Variants in DPYSL2 observed in about 807,000 individuals in gnomAD.
DPYSL2 encodes dihydropyrimidinase-related protein 2.
Under a neutral mutation model 69.9 loss-of-function variants are expected in DPYSL2, and 13 were observed. The ratio of observed to expected loss-of-function variants is 0.19; its 90% confidence interval spans 0.12 to 0.30. The LOEUF (loss-of-function observed/expected upper bound fraction) is 0.30, where lower values mean the gene tolerates loss of function less well. Among genes scored for constraint, DPYSL2 ranks in the 10% least tolerant of loss-of-function variants. DPYSL2 has a pLI of 1.00. For synonymous variants in DPYSL2, 326 were observed against 359.1 expected (o/e 0.91, Z 1.04); for missense variants, 587 against 918.9 (o/e 0.64, Z 4.67).
At chr8:26,526,465 T>C (rs1038102672) in intron 1 of DPYSL2, among the ~76,000 whole-genome samples, 1 of 152,216 alleles carries the variant, frequency 6.6e-6, no homozygotes, top group Admixed American at 6.5e-5. Flanking sequence ...TTCCATTGAT[T>C]CTTTTTAGAC....
At chr8:26,566,344 G>T (rs933225488) in intron 1 of DPYSL2, among the ~76,000 whole-genome samples, 2 of 152,202 alleles carry the variant, frequency 1.3e-5, no homozygotes, top group African/African-American at 2.4e-5. Flanking sequence ...CCTCCCTAAA[G>T]GGGCCCTGCA....
intron 8 of DPYSL2, among the ~76,000 whole-genome samples, chr8:26,637,221 C>A (rs528075956): frequency 6.6e-6 from 1 of 152,322 alleles, no homozygotes; most frequent in Admixed American, 6.5e-5. Flanking sequence ...AAAGCCTGAG[C>A]TTTAGACAAA....
chr8:26,580,862 G>A lies in DPYSL2; in HGVS notation c.355-1107G>A, dbSNP rs576964617. 1.9e-4 allele frequency among the ~76,000 whole-genome samples: 29 copies of A among 152,316 alleles called. No individual in the cohort carries two copies. The highest frequency in any genetic ancestry group is 6.3e-4 in the African/African-American group (26 of 41,552). On this transcript the variant is annotated intron_variant, in intron 1 of 13. Coordinates refer to ENST00000521913, the MANE Select transcript of DPYSL2 (RefSeq NM_001197293.3). The surrounding 1 kb of genome is among the most constrained non-coding windows in gnomAD (Gnocchi z 4.1). ...ACAGGTGCATATTTACTGAACACTC[G>A]ATGCCAGCATTCCTTCCATCAGCAG... is the stretch of plus-strand genomic sequence containing the variant.
rs115970313 is a variant in DPYSL2 at position 26,615,738 on chromosome 8, G to A, written c.629-8405G>A. ...ATCTTATTGAACACTCATGAAAAAT[G>A]CTGGGATGTATGTTATTTTTACTGT... On this transcript the variant is annotated intron_variant, in intron 3 of 13. Coordinates refer to ENST00000521913, the MANE Select transcript of DPYSL2 (RefSeq NM_001197293.3). Among the ~76,000 whole-genome samples the A allele has an allele frequency of 8.9e-3, 1,358 of 152,268 alleles. 14 individuals are homozygous for A. Among genetic ancestry groups the A allele is most frequent in the African/African-American group, 0.031 (1,283 of 41,558 alleles).
chr8:26,556,351 A>AGT (rs1264594880), intron 1 of DPYSL2, among the ~76,000 whole-genome samples: 1 of 12,808 alleles, frequency 7.8e-5, no homozygotes, highest in South Asian at 2.1e-3. Context: ...ATATATATAT[A>AGT]GTATATATAT....
In DPYSL2 at chr8:26,585,289, C is replaced by G. The variant is rs1029405672; in HGVS notation, c.628+1306C>G. Among the ~76,000 whole-genome samples, 1 of 152,084 alleles carries G rather than the reference C, an allele frequency of 6.6e-6. No individual in the cohort carries two copies. Among genetic ancestry groups the G allele is most frequent in the African/African-American group, 2.4e-5 (1 of 41,398 alleles). On this transcript the variant is annotated intron_variant, in intron 3 of 13. Transcript: ENST00000521913. This position sits in a 1 kb window ranked among gnomAD's most constrained non-coding sequence, Gnocchi z 4.0. Reference sequence around the variant, plus strand: ...TTTTGCTTGTGGCTTTGGGGTCTATCTGGAAGCTTCTTTTCTATCTTGCCT... The same window carrying G: ...TTTTGCTTGTGGCTTTGGGGTCTATGTGGAAGCTTCTTTTCTATCTTGCCT...
intron 2 of DPYSL2, among the ~76,000 whole-genome samples, chr8:26,583,329 C>CTTTTTTTTTTT (rs71553807): frequency 7.2e-6 from 1 of 139,078 alleles, no homozygotes. Context: ...ATAGTGTTCA[C>CTTTTTTTTTTT]TTTTTTTTTT....
At chr8:26,522,948 A>C (rs1199911642) in intron 1 of DPYSL2, among the ~76,000 whole-genome samples, 1 of 152,150 alleles carries the variant, frequency 6.6e-6, no homozygotes, top group Non-Finnish European at 1.5e-5. Flanking sequence ...CTACTGAAAG[A>C]GTTCCAGTAC....
Position 26,647,618 on chromosome 8 carries a change from T to G in DPYSL2, c.1426-12T>G. On this transcript the variant is annotated splice_polypyrimidine_tract_variant and intron_variant, in intron 10 of 13. Coordinates refer to ENST00000521913, the MANE Select transcript of DPYSL2 (RefSeq NM_001197293.3). This position sits in a 1 kb window ranked among gnomAD's most constrained non-coding sequence, Gnocchi z 5.1. ...GTGTGCCTCCTGTGCACACCTATGC[T>G]GTCTCCCTCAGGTCACTGGGAAGAT... The G allele has an allele frequency of 6.2e-7, 1 of 1,608,278 alleles. No individual in the cohort carries two copies. The highest frequency in any genetic ancestry group is 8.5e-7 in the Non-Finnish European group (1 of 1,177,702).
At chr8:26,632,789 G>A (rs956482512) in intron 7 of DPYSL2, among the ~76,000 whole-genome samples, 7 of 152,220 alleles carry the variant, frequency 4.6e-5, no homozygotes, top group Non-Finnish European at 5.9e-5. Flanking sequence ...GTGCTGCCGG[G>A]CCACAGGCAT....
intron 1 of DPYSL2, among the ~76,000 whole-genome samples, chr8:26,546,262 T>G (rs1274216765): frequency 6.6e-6 from 1 of 152,248 alleles, no homozygotes; most frequent in East Asian, 1.9e-4. Context: ...ATGTAAATTG[T>G]ATTGTGTTTT....
intron 1 of DPYSL2, among the ~76,000 whole-genome samples, chr8:26,551,586 A>G (rs933618220): frequency 1.3e-5 from 2 of 152,182 alleles, no homozygotes; most frequent in African/African-American, 4.8e-5. Context: ...AAATGGATCT[A>G]ATTGAAATTT....
At position 26,621,774 on chromosome 8, in the gene DPYSL2, G is replaced by C. The variant is rs1802486883; in HGVS notation, c.629-2369G>C. Among the ~76,000 whole-genome samples, 1 of 152,160 alleles carries C rather than the reference G, an allele frequency of 6.6e-6. No individual in the cohort carries two copies. Among genetic ancestry groups the C allele is most frequent in the African/African-American group, 2.4e-5 (1 of 41,454 alleles). ...CAGGGGTTGGGCAGGTCAAAGTGAA[G>C]AATGGCCGGGGTGGCCATTGTGGGT... is the stretch of plus-strand genomic sequence containing the variant. On this transcript the variant is annotated intron_variant, in intron 3 of 13. Transcript: ENST00000521913. This position sits in a 1 kb window ranked among gnomAD's most constrained non-coding sequence, Gnocchi z 4.9.
intron 1 of DPYSL2, among the ~76,000 whole-genome samples, chr8:26,554,478 C>T (rs1002118886): frequency 3.3e-5 from 5 of 151,514 alleles, no homozygotes; most frequent in Admixed American, 1.3e-4. Context: ...TCTGTTTACT[C>T]TGTTGATAGT....
intron 8 of DPYSL2, among the ~76,000 whole-genome samples, chr8:26,638,822 C>T (rs1802975355): frequency 6.6e-6 from 1 of 152,194 alleles, no homozygotes; most frequent in African/African-American, 2.4e-5. Flanking sequence ...ACCATGATTC[C>T]AGGCTCCTGG....
Position 26,657,612 on chromosome 8 carries a change from C to T in DPYSL2, c.*1906C>T, listed in dbSNP as rs1803422615. On this transcript the variant is annotated 3_prime_UTR_variant, in exon 14 of 14. Transcript: ENST00000521913. ...ATAATTGGTTGACTTAATATATTTG[C>T]TTTTTTTCTCACCTGCACTTAGAGG... The T allele has an allele frequency of 6.6e-6, 1 of 152,448 alleles. No homozygotes were observed. Among genetic ancestry groups the T allele is most frequent in the Non-Finnish European group, 1.5e-5 (1 of 67,990 alleles). 9.4% of individuals were successfully genotyped at this position (152,448 alleles called of 1,614,324 possible). A position where few individuals can be genotyped will look rare whatever the true frequency, so the allele number is the denominator to read the frequency against.
rs1802563030 is a variant in DPYSL2, at chr8:26,624,140, T to A, written c.629-3T>A. 1 of 1,614,052 alleles carries A rather than the reference T, an allele frequency of 6.2e-7. No individual in the cohort carries two copies. The highest frequency in any genetic ancestry group is 1.1e-5 in the South Asian group (1 of 91,094). On this transcript the variant is annotated splice_polypyrimidine_tract_variant and splice_region_variant and intron_variant, in intron 3 of 13. Transcript: ENST00000521913. This position sits in a 1 kb window ranked among gnomAD's most constrained non-coding sequence, Gnocchi z 4.7. ...ATGATGACATATGTCTGTTTCTTTCTAGTTGACCACGTTGTTCCTGAGCCT... is the reference window on the plus strand; with the variant it reads ...ATGATGACATATGTCTGTTTCTTTCAAGTTGACCACGTTGTTCCTGAGCCT...
At chr8:26,520,912 G>A (rs1808374136) in intron 1 of DPYSL2, among the ~76,000 whole-genome samples, 1 of 151,976 alleles carries the variant, frequency 6.6e-6, no homozygotes, top group African/African-American at 2.4e-5. Flanking sequence ...GAGGTCTCTG[G>A]GGTCTCTTTT....
rs1429245852 is a variant in DPYSL2 at position 26,620,717 on chromosome 8, A to C, written c.629-3426A>C. 6.6e-6 allele frequency among the ~76,000 whole-genome samples: 1 copy of C among 152,212 alleles called. No individual in the cohort carries two copies. Among genetic ancestry groups the C allele is most frequent in the African/African-American group, 2.4e-5 (1 of 41,454 alleles). Reference sequence around the variant, plus strand: ...AGAAGGAAAGGATTATTCAGTAACTATGAGCATGTGGGTCTTAGTGTCACC... The same window carrying C: ...AGAAGGAAAGGATTATTCAGTAACTCTGAGCATGTGGGTCTTAGTGTCACC... On this transcript the variant is annotated intron_variant, in intron 3 of 13. Transcript: ENST00000521913. The surrounding 1 kb of genome is among the most constrained non-coding windows in gnomAD (Gnocchi z 4.5).
Sources: allele counts gnomAD v4.1 joint callset (sites outside exome capture counted in the v4.1 genomes callset), GRCh38; gene constraint gnomAD v4.1.1; non-coding constraint Gnocchi (gnomAD v3.1); transcripts MANE v1.5; gene names NCBI Gene and HGNC (gene_info 2026-07-23, HGNC 2026-07-21).